SAMD14: variants seen among roughly 807,000 people sequenced by gnomAD.
SAMD14 encodes sterile alpha motif domain containing 14, also known as sterile alpha motif domain-containing protein 14.
Under a neutral mutation model 46.2 loss-of-function variants are expected in SAMD14, and 27 were observed. The ratio of observed to expected loss-of-function variants is 0.58; its 90% confidence interval spans 0.43 to 0.81. The LOEUF is 0.81. Among genes scored for constraint, SAMD14 ranks in the 30% least tolerant of loss-of-function variants. The pLI, the probability that SAMD14 is intolerant of heterozygous loss-of-function variation, is 0.00. For synonymous variants in SAMD14, 241 were observed against 254.3 expected (o/e 0.95, Z 0.50); for missense variants, 559 against 582.2 (o/e 0.96, Z 0.41).
chr17:50,125,140 C>A, intron 1 of SAMD14, 169 bp from the exon 2 acceptor site: 1 of 631,512 alleles, frequency 1.6e-6, no homozygotes, highest in South Asian at 1.9e-5. Context: ...GGAATCATAA[C>A]CCAGATGGTG....
At chr17:50,113,744 A>T in intron 9 of SAMD14, 180 bp downstream of exon 9, 1 of 648,078 alleles carries the variant, frequency 1.5e-6, no homozygotes, top group East Asian at 2.8e-5. Context: ...GCTACAACTC[A>T]AAAGATTAGA....
At chr17:50,121,220 C>T (rs991478168) in intron 2 of SAMD14, among the ~76,000 whole-genome samples, 2 of 151,792 alleles carry the variant, frequency 1.3e-5, no homozygotes, top group Non-Finnish European at 2.9e-5. Context: ...CCCTGCCACC[C>T]CAAAACATGC....
intron 1 of SAMD14, among the ~76,000 whole-genome samples, chr17:50,125,680 C>A (rs1217749802): frequency 1.3e-5 from 2 of 152,094 alleles, no homozygotes; most frequent in Non-Finnish European, 2.9e-5. Context: ...TCCTGCCTCC[C>A]CCTTCCCTAC....
In SAMD14 at chr17:50,126,456, C is replaced by G. The variant is rs548450813; in HGVS notation, c.-12-1485G>C. Among the ~76,000 whole-genome samples the G allele has an allele frequency of 5.3e-5, 8 of 152,158 alleles. No individual in the cohort carries two copies. In the East Asian group the frequency reaches 1.4e-3, roughly 26 times the overall value. On this transcript the variant is annotated intron_variant, in intron 1 of 9. Coordinates refer to ENST00000330175, the MANE Select transcript of SAMD14 (RefSeq NM_001257359.2). ...AGTAGCTGGGACTACAGTCGCCCAC[C>G]ACCACGCCTGGCTAATTTTTTTGTA...
intron 7 of SAMD14, chr17:50,114,601 T>C (rs936228261): frequency 1.5e-6 from 1 of 646,200 alleles, no homozygotes. Context: ...ACCACCGAGA[T>C]TCCCCCAGGC....
chr17:50,119,672 C>A (rs1485992829), intron 2 of SAMD14, among the ~76,000 whole-genome samples: 1 of 152,196 alleles, frequency 6.6e-6, no homozygotes, highest in Non-Finnish European at 1.5e-5. Flanking sequence ...AGCTTCTACT[C>A]TCTTCCTTGA....
chr17:50,128,442 C>T (rs935392290), intron 1 of SAMD14, among the ~76,000 whole-genome samples: 9 of 147,776 alleles, frequency 6.1e-5, no homozygotes, highest in Non-Finnish European at 1.3e-4. Context: ...ACACCAAACC[C>T]GCCCCCACTC....
rs1911914972 is a variant in SAMD14 at position 50,129,132 on chromosome 17, G to A, written c.-13+385C>T. Among the ~76,000 whole-genome samples, 1 of 152,150 alleles carries A rather than the reference G, an allele frequency of 6.6e-6. No homozygotes were observed. Among genetic ancestry groups the A allele is most frequent in the African/African-American group, 2.4e-5 (1 of 41,430 alleles). On this transcript the variant is annotated intron_variant, in intron 1 of 9. Transcript: ENST00000330175. This position sits in a 1 kb window ranked among gnomAD's most constrained non-coding sequence, Gnocchi z 5.6. The stretch of plus-strand genomic sequence containing the variant: ...GGCACCCCCTCAAAGCACTGTTGGA[G>A]ATGGGGTGAGGTTGGGGACAGGGCA...
At position 50,112,093 on chromosome 17, in the gene SAMD14, C is replaced by T. The variant is rs1381237977; in HGVS notation, c.*800G>A. On this transcript the variant is annotated 3_prime_UTR_variant, in exon 10 of 10. Transcript: ENST00000330175. Reference sequence around the variant, plus strand: ...CAGCTCCCAAAGAGGACTTAGGTGCCCTCTGAGGAAGCAGCAGGAAGTGAA... The same window carrying T: ...CAGCTCCCAAAGAGGACTTAGGTGCTCTCTGAGGAAGCAGCAGGAAGTGAA... 2 of 152,266 alleles carry T rather than the reference C, an allele frequency of 1.3e-5. No homozygotes were observed. The highest frequency in any genetic ancestry group is 1.3e-4 in the Admixed American group (2 of 15,270). The allele number at this position is 152,266 out of a possible 1,614,324, so 9.4% of individuals were successfully genotyped here. A position where few individuals can be genotyped will look rare whatever the true frequency, so the allele number is the denominator to read the frequency against.
At position 50,115,794 on chromosome 17, in the gene SAMD14, G is replaced by A. The variant is rs199844535; in HGVS notation, c.662+36C>T. On this transcript the variant is annotated intron_variant, in intron 6 of 9. Transcript: ENST00000330175. The surrounding 1 kb of genome is among the most constrained non-coding windows in gnomAD (Gnocchi z 5.3). ...CCAGAGCACATGGGGAGCCAGGGGC[G>A]GGAGCTGTGGGTGGGCCGCCATGGG... is the stretch of plus-strand genomic sequence containing the variant. 2.8e-3 allele frequency: 4,464 copies of A among 1,612,730 alleles called. 12 individuals carry two copies. The highest frequency in any genetic ancestry group is 4.0e-3 in the Admixed American group (240 of 60,026).
rs761962620 is a variant in SAMD14, at chr17:50,113,025, A to C, written c.1122T>G (p.His374Gln). ...ACTTGCGCTTCACCAGTGCCCGGTC[A>C]TGAGAGTTGCTGAGCCCCAGGCTCT... ...KLKSLGLSNSHDRALVKRKLK... is the reference protein window; with the variant it reads ...KLKSLGLSNSQDRALVKRKLK... The change falls in exon 10 of 10, where the codon CAT becomes CAG. Residue 374 changes from histidine to glutamine, a missense_variant. His to Gln is a conservative substitution (Grantham distance 24). Coordinates refer to ENST00000330175, the MANE Select transcript of SAMD14 (RefSeq NM_001257359.2). The C allele has an allele frequency of 6.2e-7, 1 of 1,612,438 alleles. No homozygotes were observed. Among genetic ancestry groups the C allele is most frequent in the South Asian group, 1.1e-5 (1 of 91,086 alleles).
Position 50,110,094 on chromosome 17 carries a change from C to T in SAMD14, c.*2799G>A, listed in dbSNP as rs1347468501. On this transcript the variant is annotated 3_prime_UTR_variant, in exon 10 of 10. Coordinates refer to ENST00000330175, the MANE Select transcript of SAMD14 (RefSeq NM_001257359.2). ...AGAACACGTCCACGTACCGCGTCAG[C>T]TAAGGGCCGCCGTGCATCTGCACCT... 1 of 1,601,200 alleles carries T rather than the reference C, an allele frequency of 6.2e-7. No homozygotes were observed. Among genetic ancestry groups the T allele is most frequent in the South Asian group, 1.1e-5 (1 of 89,694 alleles).
At chr17:50,120,161 T>C (rs957876206) in intron 2 of SAMD14, among the ~76,000 whole-genome samples, 7 of 152,188 alleles carry the variant, frequency 4.6e-5, no homozygotes, top group African/African-American at 1.4e-4. Context: ...GGCTGGGTAA[T>C]GAGTTCTTGA....
chr17:50,124,932 C>G lies in SAMD14; in HGVS notation c.28G>C (p.Val10Leu). 2 of 1,614,030 alleles carry G rather than the reference C, an allele frequency of 1.2e-6. No homozygotes were observed. Among genetic ancestry groups the G allele is most frequent in the African/African-American group, 1.3e-5 (1 of 75,006 alleles). The change falls in exon 2 of 10, where the codon GTG becomes CTG. Residue 10 changes from valine (V) to leucine (L), a missense_variant. Transcript: ENST00000330175. ...CAGAACTTACCAAAAACTTCATCCACGGGTTCTCGGAGCTTTGAAGAAGCC... is the reference window on the plus strand; with the variant it reads ...CAGAACTTACCAAAAACTTCATCCAGGGGTTCTCGGAGCTTTGAAGAAGCC... MASSKLREP[V>L]DEVFDLDLAV...
chr17:50,119,455 T>C, intron 2 of SAMD14, among the ~76,000 whole-genome samples: 1 of 152,072 alleles, frequency 6.6e-6, no homozygotes, highest in Non-Finnish European at 1.5e-5. Context: ...CCTTGTCTGC[T>C]CCTGTTTCGT....
chr17:50,114,145 G>A (rs1349165876), intron 8 of SAMD14, 42 bp downstream of exon 8: 1 of 1,614,076 alleles, frequency 6.2e-7, no homozygotes, highest in Non-Finnish European at 8.5e-7. Flanking sequence ...TGCAGAGTCA[G>A]AGGTCAGGAC....
At chr17:50,118,409 C>T in intron 2 of SAMD14, 82 bp from the exon 3 acceptor site, 5 of 1,497,208 alleles carry the variant, frequency 3.3e-6, no homozygotes, top group Non-Finnish European at 4.5e-6. Flanking sequence ...GGGCCACCTG[C>T]ACCCACACCC....
chr17:50,121,557 A>G (rs1300786529), intron 2 of SAMD14, among the ~76,000 whole-genome samples: 3 of 152,070 alleles, frequency 2.0e-5, no homozygotes, highest in Non-Finnish European at 4.4e-5. Context: ...GCCTCAAGTG[A>G]TCTGCCCGCC....
intron 7 of SAMD14, chr17:50,114,636 C>T (rs1911082233): frequency 1.8e-6 from 1 of 562,912 alleles, no homozygotes; most frequent in Non-Finnish European, 3.1e-6. Context: ...CTGCTATGCG[C>T]CTCCCGCCTG....
Sources: gnomAD v4.1 joint callset for allele counts (sites outside exome capture counted in the v4.1 genomes callset) on GRCh38, gnomAD v4.1.1 for gene constraint, Gnocchi (gnomAD v3.1) non-coding constraint, MANE v1.5 for transcripts, NCBI Gene and HGNC (gene_info 2026-07-23, HGNC 2026-07-21) for gene names.